CALN1: variants seen among roughly 807,000 people sequenced by gnomAD.
CALN1 encodes the protein calneuron 1, also known as calcium-binding protein 8.
Under a neutral mutation model 30.6 loss-of-function variants are expected in CALN1, and 17 were observed. The ratio of observed to expected loss-of-function variants is 0.56; its 90% CI spans 0.38 to 0.83. CALN1 has a LOEUF of 0.83. Among genes scored for constraint, CALN1 ranks in the 40% least tolerant of loss-of-function variants. The pLI, the probability that CALN1 is intolerant of heterozygous loss-of-function variation, is 0.00. For synonymous variants in CALN1, 156 were observed against 131.4 expected (o/e 1.19, Z -1.28); for missense variants, 291 against 354.9 (o/e 0.82, Z 1.45).
At chr7:72,035,954 G>C (rs1028324003) in intron 4 of CALN1, among the ~76,000 whole-genome samples, 2 of 152,212 alleles carry the variant, frequency 1.3e-5, no homozygotes, top group African/African-American at 4.8e-5. Flanking sequence ...TGCTTCATAT[G>C]GCTTCAAGTT....
intron 6 of CALN1, among the ~76,000 whole-genome samples, chr7:71,788,667 T>A (rs1394509948): frequency 7.4e-6 from 1 of 135,554 alleles, no homozygotes; most frequent in East Asian, 2.9e-4. Flanking sequence ...ATTATTATTA[T>A]TTTTTTTGAT....
chr7:72,147,538 T>G (rs1316850167), intron 3 of CALN1, among the ~76,000 whole-genome samples: 1 of 149,630 alleles, frequency 6.7e-6, no homozygotes, highest in Non-Finnish European at 1.5e-5. Flanking sequence ...AAGACAGTGT[T>G]GCGATTCCTC....
chr7:72,036,780 G>A (rs1801823713), intron 4 of CALN1, among the ~76,000 whole-genome samples: 1 of 150,892 alleles, frequency 6.6e-6, no homozygotes, highest in South Asian at 2.1e-4. Context: ...CTGCTATCAG[G>A]TCTTTTTCAG....
the CALN1 span, among the ~76,000 whole-genome samples, chr7:72,498,138 A>G: frequency 6.6e-6 from 1 of 152,206 alleles, no homozygotes; most frequent in Admixed American, 6.5e-5. Context: ...ATCCAAAAGT[A>G]ATCCAATGTA....
the CALN1 span, among the ~76,000 whole-genome samples, chr7:72,461,009 C>A: frequency 6.6e-6 from 1 of 152,162 alleles, no homozygotes; most frequent in Non-Finnish European, 1.5e-5. Flanking sequence ...TCACTTCTCT[C>A]TCTCCAGCTT....
At chr7:72,447,048 C>G (rs1808549682) in exon 1 of CALN1, 1 of 152,828 alleles carries the variant, frequency 6.5e-6, no homozygotes, top group African/African-American at 2.4e-5. Context: ...ATACCTCCTG[C>G]TGATCTCGGG....
chr7:71,946,775 T>C (rs1796427267), intron 5 of CALN1, among the ~76,000 whole-genome samples: 1 of 152,124 alleles, frequency 6.6e-6, no homozygotes, highest in South Asian at 2.1e-4. Flanking sequence ...CATTGGATGG[T>C]ACCTGACACG....
At chr7:71,793,070 T>C (rs896627086) in intron 6 of CALN1, among the ~76,000 whole-genome samples, 2 of 152,058 alleles carry the variant, frequency 1.3e-5, no homozygotes, top group African/African-American at 4.8e-5. Context: ...TTTGGGAGGC[T>C]GAGGTGGGTG....
chr7:72,131,865 A>G (rs1041887188), intron 3 of CALN1, among the ~76,000 whole-genome samples: 1 of 152,146 alleles, frequency 6.6e-6, no homozygotes, highest in East Asian at 1.9e-4. Flanking sequence ...GCTCTCTGTG[A>G]ATCTGTTCTG....
intron 2 of CALN1, among the ~76,000 whole-genome samples, chr7:72,314,400 T>C (rs143702473): frequency 1.7e-5 from 2 of 121,076 alleles, no homozygotes; most frequent in Non-Finnish European, 4.0e-5. Flanking sequence ...TATATACACA[T>C]ATATACACAT....
intron 5 of CALN1, among the ~76,000 whole-genome samples, chr7:71,959,541 T>C (rs868271773): frequency 6.6e-6 from 1 of 152,152 alleles, no homozygotes; most frequent in African/African-American, 2.4e-5. Context: ...CTGATGAGTT[T>C]TAACATGATA....
chr7:71,869,353 A>C (rs532366488), intron 5 of CALN1, among the ~76,000 whole-genome samples: 1 of 152,166 alleles, frequency 6.6e-6, no homozygotes, highest in South Asian at 2.1e-4. Flanking sequence ...TGGGATTACA[A>C]GCATGCACCA....
intron 6 of CALN1, among the ~76,000 whole-genome samples, chr7:71,805,728 A>G (rs535482382): frequency 3.3e-5 from 5 of 152,182 alleles, no homozygotes; most frequent in African/African-American, 1.2e-4. Flanking sequence ...AGACCCTATT[A>G]TAAGATTATA....
intron 5 of CALN1, 130 bp from the exon 6 acceptor site, chr7:71,810,622 A>G: frequency 3.7e-6 from 3 of 820,978 alleles, no homozygotes; most frequent in Non-Finnish European, 5.7e-6. Context: ...TCAGGTGAAC[A>G]GTTTTCCATC....
chr7:71,911,618 A>C (rs1367828171), intron 5 of CALN1, among the ~76,000 whole-genome samples: 1 of 152,148 alleles, frequency 6.6e-6, no homozygotes, highest in Non-Finnish European at 1.5e-5. Flanking sequence ...GGCAGAGAGA[A>C]AAATCCTAAG....
At chr7:72,267,164 G>A (rs1294852725) in intron 3 of CALN1, among the ~76,000 whole-genome samples, 1 of 152,180 alleles carries the variant, frequency 6.6e-6, no homozygotes, top group Non-Finnish European at 1.5e-5. Context: ...GTAGAGAGAA[G>A]TGTCTCCAAA....
At chr7:72,428,372 T>G (rs1807863168) in intron 1 of CALN1, among the ~76,000 whole-genome samples, 1 of 151,530 alleles carries the variant, frequency 6.6e-6, no homozygotes, top group Admixed American at 6.6e-5. Flanking sequence ...GATTGATTTT[T>G]TTTTTGTTTT....
At chr7:72,428,014 C>T (rs56054280) in intron 1 of CALN1, among the ~76,000 whole-genome samples, 11,644 of 152,226 alleles carry the variant, frequency 0.076, 629 homozygotes, top group Middle Eastern at 0.26. Context: ...TGCCCCACCA[C>T]GCAAATGCAG....
chr7:71,889,498 C>G (rs972420182), intron 5 of CALN1, among the ~76,000 whole-genome samples: 4 of 152,108 alleles, frequency 2.6e-5, no homozygotes, highest in Non-Finnish European at 4.4e-5. Context: ...ATAAAAACAC[C>G]AGTCTCATTC....
Sources: gnomAD v4.1 joint callset for allele counts (sites outside exome capture counted in the v4.1 genomes callset) on GRCh38, gnomAD v4.1.1 for gene constraint, MANE v1.5 for transcripts, NCBI Gene and HGNC (gene_info 2026-07-23, HGNC 2026-07-21) for gene names.